The following TTC28 variants were observed in gnomAD, a reference collection of about 807,000 sequenced individuals.
TTC28 encodes the protein tetratricopeptide repeat domain 28.
Under a neutral mutation model 198.0 loss-of-function variants are expected in TTC28, and 61 were observed. That is an observed-to-expected ratio of 0.31 (90% CI 0.25 to 0.38). The LOEUF is 0.38. TTC28 is among the 10% of genes least tolerant of loss of function. The pLI is 1.00. For missense variants in TTC28, 2,678 were observed against 3,164.0 expected (o/e 0.85, Z 3.69); for synonymous variants, 1,171 against 1,297.8 (o/e 0.90, Z 2.10).
chr22:28,418,114 T>C (rs1001412579), intron 2 of TTC28, among the ~76,000 whole-genome samples: 1 of 152,160 alleles, frequency 6.6e-6, no homozygotes, highest in Non-Finnish European at 1.5e-5. Context: ...AAGACAGTAA[T>C]TGGGCCATTG....
At chr22:28,599,419 AGCTTG>A (rs2050601800) in intron 2 of TTC28, among the ~76,000 whole-genome samples, 2 of 152,250 alleles carry the variant, frequency 1.3e-5, no homozygotes, top group Admixed American at 1.3e-4. Context: ...GTCCACAATC[AGCTTG>A]GCACAATGGC....
chr22:28,302,184 C>T (rs2045040704), intron 3 of TTC28, among the ~76,000 whole-genome samples: 1 of 151,912 alleles, frequency 6.6e-6, no homozygotes, highest in Non-Finnish European at 1.5e-5. Context: ...GGAAGTGGTA[C>T]CTGAATAGAA....
At chr22:28,165,108 TGAGAA>T (rs1921764980) in intron 5 of TTC28, among the ~76,000 whole-genome samples, 1 of 151,938 alleles carries the variant, frequency 6.6e-6, no homozygotes, top group Non-Finnish European at 1.5e-5. Flanking sequence ...TGAAATGAAG[TGAGAA>T]GAGAAGTTTA....
At chr22:28,206,088 C>T (rs1478198512) in intron 5 of TTC28, among the ~76,000 whole-genome samples, 3 of 152,016 alleles carry the variant, frequency 2.0e-5, no homozygotes, top group African/African-American at 7.2e-5. Flanking sequence ...TGCCCAAGTC[C>T]CCAGGAAGCC....
intron 2 of TTC28, among the ~76,000 whole-genome samples, chr22:28,471,586 C>T (rs934020931): frequency 1.3e-5 from 2 of 152,078 alleles, no homozygotes; most frequent in African/African-American, 2.4e-5. Context: ...AAGGGCACAA[C>T]AAGGGAGCAA....
At chr22:28,209,634 C>T (rs1926731891) in intron 5 of TTC28, among the ~76,000 whole-genome samples, 2 of 152,168 alleles carry the variant, frequency 1.3e-5, no homozygotes, top group African/African-American at 4.8e-5. Context: ...AACAAAGCTG[C>T]CCAGAAGCTC....
At chr22:28,326,273 A>T (rs921842992) in intron 2 of TTC28, among the ~76,000 whole-genome samples, 3 of 152,164 alleles carry the variant, frequency 2.0e-5, no homozygotes, top group Non-Finnish European at 2.9e-5. Context: ...AAAAGGCAAA[A>T]GTATAGCAAT....
intron 1 of TTC28, among the ~76,000 whole-genome samples, chr22:28,648,051 C>T (rs773524707): frequency 3.3e-5 from 5 of 151,302 alleles, no homozygotes; most frequent in African/African-American, 7.3e-5. Flanking sequence ...GGTGAAACCC[C>T]GTCTCTCCCA....
At chr22:27,996,978 G>A (rs1020838413) in intron 16 of TTC28, among the ~76,000 whole-genome samples, 5 of 152,230 alleles carry the variant, frequency 3.3e-5, no homozygotes, top group Admixed American at 1.3e-4. Context: ...TGCCATGCCC[G>A]TAAGCACACT....
intron 3 of TTC28, 113 bp downstream of exon 3, chr22:28,306,383 T>A (rs539815673): frequency 7.8e-7 from 1 of 1,278,514 alleles, no homozygotes; most frequent in Non-Finnish European, 1.1e-6. Context: ...AAATATCAAA[T>A]CTTAGCAAAT....
At chr22:28,603,072 G>T (rs1272478208) in intron 2 of TTC28, among the ~76,000 whole-genome samples, 1 of 151,922 alleles carries the variant, frequency 6.6e-6, no homozygotes, top group Non-Finnish European at 1.5e-5. Context: ...GTAGAGACGG[G>T]GTTTCACCAC....
intron 5 of TTC28, among the ~76,000 whole-genome samples, chr22:28,274,976 TAAA>T (rs34582010): frequency 1.0e-4 from 8 of 77,888 alleles, no homozygotes; most frequent in Admixed American, 1.8e-4. Context: ...GAGACTGTCT[TAAA>T]AAAAAAAAAA....
intron 2 of TTC28, among the ~76,000 whole-genome samples, chr22:28,389,627 C>G (rs1410847344): frequency 6.6e-6 from 1 of 150,730 alleles, no homozygotes; most frequent in Non-Finnish European, 1.5e-5. Flanking sequence ...AGTTTATTTG[C>G]GTAGAGGTGT....
chr22:28,402,524 T>A (rs1031103536), intron 2 of TTC28, among the ~76,000 whole-genome samples: 1 of 152,238 alleles, frequency 6.6e-6, no homozygotes, highest in South Asian at 2.1e-4. Context: ...TCTGGACTTC[T>A]ATACCTTAAA....
chr22:28,344,002 T>C (rs1192727781), intron 2 of TTC28, among the ~76,000 whole-genome samples: 1 of 152,128 alleles, frequency 6.6e-6, no homozygotes, highest in African/African-American at 2.4e-5. Context: ...AGCAATACTA[T>C]AAAATCCAAC....
intron 2 of TTC28, among the ~76,000 whole-genome samples, chr22:28,550,759 T>G (rs918137900): frequency 1.3e-5 from 2 of 152,044 alleles, no homozygotes; most frequent in African/African-American, 4.8e-5. Flanking sequence ...TATCTACTGT[T>G]CCAGAATTAA....
chr22:28,077,028 A>C (rs1168010631), intron 12 of TTC28, among the ~76,000 whole-genome samples: 1 of 152,128 alleles, frequency 6.6e-6, no homozygotes, highest in Non-Finnish European at 1.5e-5. Context: ...ATGTTTTAGA[A>C]TTTACTTTTT....
chr22:28,526,464 G>A (rs2049005964), intron 2 of TTC28, among the ~76,000 whole-genome samples: 1 of 152,162 alleles, frequency 6.6e-6, no homozygotes, highest in Non-Finnish European at 1.5e-5. Flanking sequence ...AAACAGAAGT[G>A]TCAAATCTTG....
chr22:28,207,722 A>G (rs1299199596), intron 5 of TTC28, among the ~76,000 whole-genome samples: 2 of 152,158 alleles, frequency 1.3e-5, no homozygotes, highest in Non-Finnish European at 2.9e-5. Context: ...GACACGTGGG[A>G]ATGGTCTCTA....
Sources: allele counts gnomAD v4.1 joint callset (sites outside exome capture counted in the v4.1 genomes callset), GRCh38; gene constraint gnomAD v4.1.1; transcripts MANE v1.5; gene names NCBI Gene and HGNC (gene_info 2026-07-23, HGNC 2026-07-21).